The following DSG2 variants were observed in gnomAD, a reference collection of about 807,000 sequenced individuals.
The protein encoded by DSG2 is desmoglein 2.
Under a neutral mutation model 75.6 loss-of-function variants are expected in DSG2, and 45 were observed. The observed-to-expected ratio is 0.60, with a 90% confidence interval of 0.47 to 0.76. The LOEUF (loss-of-function observed/expected upper bound fraction) is 0.76. Among genes scored for constraint, DSG2 ranks in the 30% least tolerant of loss-of-function variants. The probability of loss-of-function intolerance (pLI) is 0.00; values close to 1 mark genes in which losing one functional copy is unlikely to be tolerated. For missense variants in DSG2, 1,267 were observed against 1,357.4 expected, an observed-to-expected ratio of 0.93 and a Z score of 1.05; for synonymous variants, 429 against 483.9, an observed-to-expected ratio of 0.89 and a Z score of 1.49.
At chr18:31,500,468 G>GTGT (rs780627551) in intron 1 of DSG2, among the ~76,000 whole-genome samples, 3 of 152,132 alleles carry the variant, frequency 2.0e-5, no homozygotes, top group Non-Finnish European at 4.4e-5. Context: ...TTGCCTCTTG[G>GTGT]TGTTCACAAA....
At chr18:31,498,904 G>C (rs970129234) in intron 1 of DSG2, among the ~76,000 whole-genome samples, 1 of 152,100 alleles carries the variant, frequency 6.6e-6, no homozygotes, top group South Asian at 2.1e-4. Context: ...TGTTTCAAAA[G>C]TTTTCCAATA....
chr18:31,542,374 T>C, intron 13 of DSG2, 146 bp from the exon 14 acceptor site: 1 of 784,034 alleles, frequency 1.3e-6, no homozygotes, highest in Non-Finnish European at 2.2e-6. Flanking sequence ...TTACATAAGT[T>C]ATTCAACTCA....
Position 31,521,165 on chromosome 18 carries a change from G to A in DSG2, c.445G>A (p.Val149Ile), listed in dbSNP as rs372606274. 44 of 1,613,818 alleles carry A rather than the reference G, an allele frequency of 2.7e-5. No homozygotes were observed. In the East Asian group the frequency reaches 3.3e-4, roughly 12 times the overall value. The change falls in exon 5 of 15, where the codon GTT becomes ATT. Residue 149 changes from valine to isoleucine, a missense_variant. Coordinates refer to ENST00000261590, the MANE Select transcript of DSG2 (RefSeq NM_001943.5). ...GAAACCCTTAGAGCTACGCATTAAG[G>A]TTCTTGATATCAATGACAACGAACC... is the stretch of plus-strand genomic sequence containing the variant. ...VEKPLELRIKVLDINDNEPVF... is the reference protein window; with the variant it reads ...VEKPLELRIKILDINDNEPVF...
intron 11 of DSG2, among the ~76,000 whole-genome samples, chr18:31,536,717 G>A (rs190470022): frequency 3.2e-4 from 49 of 152,288 alleles, no homozygotes; most frequent in Admixed American, 1.8e-3. Context: ...CACCACAATC[G>A]TAGTAGTTTG....
Position 31,535,368 on chromosome 18 carries a change from T to A in DSG2, c.1379T>A (p.Val460Asp). The change falls in exon 10 of 15, where the codon GTT (valine) becomes GAT (aspartate). Residue 460 changes from valine to aspartate, a missense_variant. By Grantham distance (152) the Val-to-Asp change is radical. Coordinates refer to ENST00000261590, the MANE Select transcript of DSG2 (RefSeq NM_001943.5). ...AKLPDFESRY[V>D]QNGTYTVKIV... ...CTTCCTGATTTTGAATCTAGATATG[T>A]TCAAAATGGCACATACACTGTAAAG... 5 of 1,612,388 alleles carry A rather than the reference T, an allele frequency of 3.1e-6. No homozygotes were observed. The South Asian group carries it at 5.5e-5, about 18-fold the overall frequency.
intron 11 of DSG2, among the ~76,000 whole-genome samples, chr18:31,536,813 C>T (rs1278449626): frequency 2.6e-5 from 4 of 152,054 alleles, no homozygotes; most frequent in Non-Finnish European, 1.5e-5. Flanking sequence ...TCTGCTAGCC[C>T]ACCCTATGTA....
Position 31,548,903 on chromosome 18 carries a change from CTCAGTT to C in DSG2, c.*2162_*2167del, listed in dbSNP as rs2073333743. The C allele has an allele frequency of 7.0e-6, 1 of 142,080 alleles. No homozygotes were observed. The highest frequency in any genetic ancestry group is 3.0e-5 in the African/African-American group (1 of 33,356). The allele number at this position is 142,080 out of a possible 1,614,324, so 8.8% of individuals were successfully genotyped here. A position where few individuals can be genotyped will look rare whatever the true frequency, so the allele number is the denominator to read the frequency against. ...CTATTATATTTTACAAGGAATATAA[CTCAGTT>C]TGTTAGGGAGAGTGCCTTAAAGGCA... On this transcript the variant is annotated 3_prime_UTR_variant, in exon 15 of 15. Transcript: ENST00000261590.
In DSG2 at chr18:31,541,317, C is replaced by A; in HGVS notation, c.2001+3C>A. On this transcript the variant is annotated splice_donor_region_variant and intron_variant, in intron 13 of 14. Coordinates refer to ENST00000261590, the MANE Select transcript of DSG2 (RefSeq NM_001943.5). ...AAGGAGCACCACCTGAAGACAAGGT[C>A]AGTGGATCAGATGTCAATATGACTT... The A allele has an allele frequency of 6.2e-7, 1 of 1,613,868 alleles. No homozygotes were observed. Among genetic ancestry groups the A allele is most frequent in the South Asian group, 1.1e-5 (1 of 91,040 alleles).
chr18:31,539,347 T>G (rs1418893605), intron 12 of DSG2, among the ~76,000 whole-genome samples: 1 of 152,200 alleles, frequency 6.6e-6, no homozygotes, highest in Admixed American at 6.5e-5. Context: ...AAAAAAGATG[T>G]GTTGCATGAC....
chr18:31,499,592 G>C (rs1261854512), intron 1 of DSG2, among the ~76,000 whole-genome samples: 1 of 152,088 alleles, frequency 6.6e-6, no homozygotes, highest in African/African-American at 2.4e-5. Flanking sequence ...ACGTGATCTG[G>C]GACGTCGTTT....
rs1408093009 is a variant in DSG2, at chr18:31,546,154, C to G, written c.2768C>G (p.Pro923Arg). Residue 923 changes from proline to arginine, a missense_variant, in exon 15 of 15, where the codon CCT becomes CGT. Coordinates refer to ENST00000261590, the MANE Select transcript of DSG2 (RefSeq NM_001943.5). ...AGGCAGGCGCAAAAGGTAGCTACAC[C>G]TCTTCCTGACCCAATGGCTTCTAGA... Reference protein sequence around the residue: ...SSRQAQKVATPLPDPMASRNV... With the variant: ...SSRQAQKVATRLPDPMASRNV... 1.9e-6 allele frequency: 3 copies of G among 1,614,066 alleles called. No homozygotes were observed. Among genetic ancestry groups the G allele is most frequent in the African/African-American group, 1.3e-5 (1 of 74,910 alleles).
Position 31,530,139 on chromosome 18 carries a change from T to TA in DSG2, c.1015-842dup, listed in dbSNP as rs532740844. On this transcript the variant is annotated intron_variant, in intron 8 of 14. Coordinates refer to ENST00000261590, the MANE Select transcript of DSG2 (RefSeq NM_001943.5). ...AACCAGATATTAATAGGTATTATGC[T>TA]AAAAAAGAGGAGAGTGGGGTTCTTT... Among the ~76,000 whole-genome samples, 472 of 152,262 alleles carry TA rather than the reference T, an allele frequency of 3.1e-3. 1 individual carries two copies. Among genetic ancestry groups the TA allele is most frequent in the Non-Finnish European group, 4.5e-3 (306 of 68,008 alleles).
chr18:31,538,722 T>C, intron 11 of DSG2, 29 bp from the exon 12 acceptor site: 1 of 1,593,168 alleles, frequency 6.3e-7, no homozygotes, highest in Non-Finnish European at 8.6e-7. Flanking sequence ...TCGTTCGTTT[T>C]TATTTCCTTC....
At chr18:31,522,471 G>A (rs2073134692) in intron 6 of DSG2, 1 of 466,454 alleles carries the variant, frequency 2.1e-6, no homozygotes, top group Non-Finnish European at 3.9e-6. Context: ...TATGCACGTT[G>A]AATGTGTAAT....
At position 31,517,684 on chromosome 18, in the gene DSG2, C is replaced by A. The variant is rs190780021; in HGVS notation, c.46-555C>A. Among the ~76,000 whole-genome samples, 180 of 152,158 alleles carry A rather than the reference C, an allele frequency of 1.2e-3. 1 individual carries two copies. Among genetic ancestry groups the A allele is most frequent in the African/African-American group, 3.8e-3 (159 of 41,518 alleles). On this transcript the variant is annotated intron_variant, in intron 1 of 14. Transcript: ENST00000261590. ...AACTGTATTTAGAACAGTACTAGGT[C>A]ATGATGAAGTCCCAAGTGTGACAGT...
Position 31,548,423 on chromosome 18 carries a change from T to C in DSG2, c.*1680T>C, listed in dbSNP as rs2073329986. The C allele has an allele frequency of 6.7e-6, 1 of 150,132 alleles. No individual in the cohort carries two copies. Among genetic ancestry groups the C allele is most frequent in the African/African-American group, 2.5e-5 (1 of 40,202 alleles). The allele number at this position is 150,132 out of a possible 1,614,324, so 9.3% of individuals were successfully genotyped here. A position where few individuals can be genotyped will look rare whatever the true frequency, so the allele number is the denominator to read the frequency against. On this transcript the variant is annotated 3_prime_UTR_variant, in exon 15 of 15. Transcript: ENST00000261590. ...TAAAAAATATTGTTGAATGGTGTCA[T>C]GCAAAGGATTTATATAGTGTGCTCC... is the stretch of plus-strand genomic sequence containing the variant.
chr18:31,522,801 AG>A lies in DSG2; in HGVS notation c.690+555del, dbSNP rs146814470. On this transcript the variant is annotated intron_variant, in intron 6 of 14. Transcript: ENST00000261590. ...CTAGTACGTAGGAGGCAGTGAGGAA[AG>A]GGATGAAAATAGGAATCCTAGTTAG... Among the ~76,000 whole-genome samples the A allele has an allele frequency of 7.7e-3, 1,168 of 152,294 alleles. 17 individuals carry two copies. Among genetic ancestry groups the A allele is most frequent in the African/African-American group, 0.027 (1,121 of 41,566 alleles).
intron 1 of DSG2, among the ~76,000 whole-genome samples, chr18:31,514,268 AC>A (rs1382438224): frequency 6.6e-6 from 1 of 152,248 alleles, no homozygotes; most frequent in Admixed American, 6.5e-5. Flanking sequence ...TATCTTTGCA[AC>A]ATTTCTGTAA....
At chr18:31,533,991 C>CTTTTTTTTT (rs55789239) in intron 9 of DSG2, among the ~76,000 whole-genome samples, 45 of 125,930 alleles carry the variant, frequency 3.6e-4, no homozygotes, top group South Asian at 5.0e-4. Context: ...TCTTTTTTTT[C>CTTTTTTTTT]TTTTTTTTTT....
Sources: gnomAD v4.1 joint callset for allele counts (sites outside exome capture counted in the v4.1 genomes callset) on GRCh38, gnomAD v4.1.1 for gene constraint, MANE v1.5 for transcripts, NCBI Gene and HGNC (gene_info 2026-07-23, HGNC 2026-07-21) for gene names.